SFTPB: variants seen among roughly 807,000 people sequenced by gnomAD.
SFTPB encodes surfactant protein B.
A neutral mutation model predicts 51.0 loss-of-function variants in SFTPB; 32 were observed. The ratio of observed to expected loss-of-function variants is 0.63; its 90% CI spans 0.47 to 0.84. The LOEUF (loss-of-function observed/expected upper bound fraction) is 0.84. Ranked by LOEUF, SFTPB falls within the 40% of genes least tolerant of loss-of-function variation. The pLI is 0.00. For synonymous variants in SFTPB, 211 were observed against 208.5 expected (o/e 1.01, Z -0.10); for missense variants, 431 against 491.2 (o/e 0.88, Z 1.16).
intron 2 of SFTPB, 143 bp downstream of exon 2, chr2:85,667,536 T>G: frequency 4.6e-6 from 5 of 1,088,350 alleles, no homozygotes; most frequent in Non-Finnish European, 7.1e-6. Context: ...TCCCATTCCA[T>G]TTTATCCTAT....
At chr2:85,666,524 TGG>T in intron 4 of SFTPB, 91 bp downstream of exon 4, 3 of 1,286,456 alleles carry the variant, frequency 2.3e-6, no homozygotes, top group Non-Finnish European at 3.3e-6. Flanking sequence ...TGTGTGTGTC[TGG>T]CTGGCTGGGG....
intron 4 of SFTPB, among the ~76,000 whole-genome samples, chr2:85,666,225 G>GTGTA: frequency 7.0e-6 from 1 of 143,882 alleles, no homozygotes; most frequent in East Asian, 2.0e-4. Context: ...CTGTGTGTGT[G>GTGTA]TGTGTGTGTG....
chr2:85,663,936 G>C (rs1250887226), intron 6 of SFTPB, 89 bp from the exon 7 acceptor site: 46 of 1,237,824 alleles, frequency 3.7e-5, no homozygotes, highest in Non-Finnish European at 5.2e-5. Flanking sequence ...CACTTCCTAC[G>C]CATTCCCTCA....
intron 4 of SFTPB, among the ~76,000 whole-genome samples, 192 bp from the exon 5 acceptor site, chr2:85,665,986 G>A (rs1573476097): frequency 1.3e-5 from 2 of 152,118 alleles, no homozygotes. Context: ...GCAGGTGGCC[G>A]GGATTGTGTG....
At chr2:85,666,481 C>T (rs371814520) in intron 4 of SFTPB, 136 bp downstream of exon 4, 3 of 810,584 alleles carry the variant, frequency 3.7e-6, no homozygotes, top group South Asian at 1.6e-5. Context: ...TTGTGTCTGG[C>T]CGGCTTGGGT....
In SFTPB at chr2:85,661,513, A is replaced by G. The variant is rs946917663; in HGVS notation, c.1106T>C (p.Met369Thr). The stretch of plus-strand genomic sequence containing the variant: ...GTGGATACACTGGAGAGGGCTGGAC[A>G]TGGTCCCACACACCCCGAGGGCCTG... ...TCQALGVCGTMSSPLQCIHSP... is the reference protein window; with the variant it reads ...TCQALGVCGTTSSPLQCIHSP... The change falls in exon 10 of 11, where the codon ATG becomes ACG. Residue 369 changes from methionine (M) to threonine (T), a missense_variant. Physicochemically the swap from Met to Thr is moderately conservative, Grantham distance 81 (BLOSUM62 -1). Coordinates refer to ENST00000519937, the MANE Select transcript of SFTPB (RefSeq NM_000542.5). 1.1e-5 allele frequency: 17 copies of G among 1,611,966 alleles called. No individual in the cohort carries two copies. Among genetic ancestry groups the G allele is most frequent in the African/African-American group, 1.3e-5 (1 of 74,834 alleles).
At chr2:85,663,613 A>AGGG (rs775296418) in intron 7 of SFTPB, 51 bp downstream of exon 7, 1 of 1,590,170 alleles carries the variant, frequency 6.3e-7, no homozygotes. Flanking sequence ...GTGGCAGGGT[A>AGGG]GGGGGAGGAG....
At chr2:85,666,492 G>A (rs1221599050) in intron 4 of SFTPB, 125 bp downstream of exon 4, 2 of 824,524 alleles carry the variant, frequency 2.4e-6, no homozygotes, top group Non-Finnish European at 1.8e-6. Flanking sequence ...CGGCTTGGGT[G>A]CTGTGTGTGT....
intron 1 of SFTPB, 30 bp downstream of exon 1, chr2:85,668,087 C>A: frequency 6.6e-7 from 1 of 1,517,452 alleles, no homozygotes; most frequent in Non-Finnish European, 9.0e-7. Context: ...GTGGAGCTGC[C>A]TAGGAGAGGG....
Position 85,667,131 on chromosome 2 carries a change from T to C in SFTPB, c.242A>G (p.Lys81Arg). 6.2e-7 allele frequency: 1 copy of C among 1,614,000 alleles called. No homozygotes were observed. ...CTGGAAAATGGCCTCCTTGGCCATC[T>C]TGTTAAGGATGTGGACGATGTCCTC... ...ECEDIVHILN[K>R]MAKEAIFQDT... is the part of the protein sequence containing the mutation. The change falls in exon 3 of 11, where the codon AAG becomes AGG. Residue 81 changes from lysine (K) to arginine (R), a missense_variant. By Grantham distance (26) the Lys-to-Arg change is conservative. Coordinates refer to ENST00000519937, the MANE Select transcript of SFTPB (RefSeq NM_000542.5).
Position 85,657,475 on chromosome 2 carries a change from C to T in SFTPB, c.*2227G>A, listed in dbSNP as rs1677107828. The T allele has an allele frequency of 6.6e-6, 1 of 152,196 alleles. No individual in the cohort carries two copies. Among genetic ancestry groups the T allele is most frequent in the Non-Finnish European group, 1.5e-5 (1 of 68,038 alleles). 9.4% of individuals were successfully genotyped at this position (152,196 alleles called of 1,614,324 possible). A position where few individuals can be genotyped will look rare whatever the true frequency, so the allele number is the denominator to read the frequency against. On this transcript the variant is annotated 3_prime_UTR_variant, in exon 11 of 11. Coordinates refer to ENST00000519937, the MANE Select transcript of SFTPB (RefSeq NM_000542.5). ...ATCCAGGAGCCAATGAATTGTGTGT[C>T]TCATCCCCAGGCCCAAGAGCAGGCT...
chr2:85,664,073 C>A (rs1677456331), intron 6 of SFTPB, among the ~76,000 whole-genome samples: 1 of 152,156 alleles, frequency 6.6e-6, no homozygotes, highest in South Asian at 2.1e-4. Flanking sequence ...CTACGTCTGG[C>A]CCCAAAGGCT....
intron 10 of SFTPB, among the ~76,000 whole-genome samples, chr2:85,660,481 G>T (rs1573468121): frequency 8.6e-6 from 1 of 116,818 alleles, no homozygotes; most frequent in Non-Finnish European, 1.7e-5. Flanking sequence ...ACAGAGTTGT[G>T]CTCTGTTGCC....
intron 3 of SFTPB, 50 bp downstream of exon 3, chr2:85,667,056 T>A (rs1434261052): frequency 4.7e-6 from 7 of 1,485,378 alleles, no homozygotes; most frequent in Middle Eastern, 1.7e-4. Context: ...CCCTGCTCTG[T>A]CCCTCATCTC....
rs540197745 is a variant in SFTPB at position 85,667,826 on chromosome 2, C to A, written c.68-20G>T. The A allele has an allele frequency of 1.2e-6, 2 of 1,614,240 alleles. No homozygotes were observed. The highest frequency in any genetic ancestry group is 1.7e-5 in the Admixed American group (1 of 60,030). On this transcript the variant is annotated intron_variant, in intron 1 of 10. Transcript: ENST00000519937. Reference sequence around the variant, plus strand: ...AGGCAGCTGTGGTTTGGGGCCAGAGCAACCTTAATCAGGATCCAGGCTACA... The same window carrying A: ...AGGCAGCTGTGGTTTGGGGCCAGAGAAACCTTAATCAGGATCCAGGCTACA...
At chr2:85,664,462 T>G (rs888527828) in intron 6 of SFTPB, among the ~76,000 whole-genome samples, 1 of 152,166 alleles carries the variant, frequency 6.6e-6, no homozygotes, top group East Asian at 1.9e-4. Context: ...TGCAGTGATC[T>G]TTCCTTCTTT....
intron 6 of SFTPB, among the ~76,000 whole-genome samples, chr2:85,664,547 C>G (rs1362379933): frequency 6.6e-6 from 1 of 152,196 alleles, no homozygotes; most frequent in African/African-American, 2.4e-5. Flanking sequence ...TCACTGCAAC[C>G]TCCGCCTCCT....
At chr2:85,668,054 C>T in intron 1 of SFTPB, 63 bp downstream of exon 1, 2 of 1,380,440 alleles carry the variant, frequency 1.4e-6, no homozygotes, top group East Asian at 5.0e-5. Flanking sequence ...TAATGCCTAG[C>T]ACAAAGCAGT....
intron 4 of SFTPB, 92 bp from the exon 5 acceptor site, chr2:85,665,886 G>A (rs923827082): frequency 1.6e-6 from 2 of 1,250,694 alleles, no homozygotes; most frequent in Admixed American, 1.9e-5. Flanking sequence ...CCACTGGAAT[G>A]GGAGGAAGCA....
Sources: gnomAD v4.1 joint callset for allele counts (sites outside exome capture counted in the v4.1 genomes callset) on GRCh38, gnomAD v4.1.1 for gene constraint, MANE v1.5 for transcripts, NCBI Gene and HGNC (gene_info 2026-07-23, HGNC 2026-07-21) for gene names.